TMEM132B: variants seen among roughly 807,000 people sequenced by gnomAD.
TMEM132B encodes transmembrane protein 132B.
A neutral mutation model predicts 90.8 loss-of-function variants in TMEM132B; 18 were observed. The ratio of observed to expected loss-of-function variants is 0.20; its 90% CI spans 0.14 to 0.29. The LOEUF (loss-of-function observed/expected upper bound fraction) is 0.29. Ranked by LOEUF, TMEM132B falls within the 10% of genes least tolerant of loss-of-function variation. The pLI, the probability that TMEM132B is intolerant of heterozygous loss-of-function variation, is 1.00. For synonymous variants in TMEM132B, 504 were observed against 523.3 expected (o/e 0.96, Z 0.50); for missense variants, 1,096 against 1,326.8 (o/e 0.83, Z 2.70).
intron 5 of TMEM132B, chr12:125,588,414 T>C (rs1482415425): frequency 6.6e-6 from 1 of 152,276 alleles, no homozygotes; most frequent in Admixed American, 6.5e-5. Context: ...ACTGCAGCCT[T>C]GACCTCCCAG....
intron 3 of TMEM132B, among the ~76,000 whole-genome samples, chr12:125,478,487 G>C (rs1407034182): frequency 6.6e-6 from 1 of 152,222 alleles, no homozygotes; most frequent in Non-Finnish European, 1.5e-5. Flanking sequence ...TTCAGTAGCT[G>C]ATTTGATCAA....
intron 2 of TMEM132B, among the ~76,000 whole-genome samples, chr12:125,354,084 T>G (rs1027242071): frequency 2.6e-5 from 4 of 152,156 alleles, no homozygotes; most frequent in South Asian, 2.1e-4. Context: ...CCCACCAAGA[T>G]TTTAGATTCT....
chr12:125,432,389 A>G (rs928584094), intron 3 of TMEM132B, among the ~76,000 whole-genome samples: 44 of 70,658 alleles, frequency 6.2e-4, no homozygotes, highest in Non-Finnish European at 7.3e-4. Context: ...ATATATATAT[A>G]TATATATATG....
Position 125,605,797 on chromosome 12 carries a change from C to T in TMEM132B, c.1437+21803C>T, listed in dbSNP as rs147827451. The stretch of plus-strand genomic sequence containing the variant: ...GAGAATAAGGATGTTGGTTCACCAT[C>T]CCCCAGGTTTTAGGTTTCAGATCCA... On this transcript the variant is annotated intron_variant, in intron 5 of 8. Transcript: ENST00000682704. Among the ~76,000 whole-genome samples the T allele has an allele frequency of 1.1e-4, 17 of 152,256 alleles. No individual in the cohort carries two copies. In the East Asian group the frequency reaches 2.9e-3, roughly 26 times the overall value.
At chr12:125,200,397 T>G (rs1873028073) in intron 1 of TMEM132B, among the ~76,000 whole-genome samples, 1 of 152,210 alleles carries the variant, frequency 6.6e-6, no homozygotes, top group Non-Finnish European at 1.5e-5. Flanking sequence ...AAGTTTGTTT[T>G]TATACATATA....
intron 1 of TMEM132B, among the ~76,000 whole-genome samples, chr12:125,212,187 G>C (rs576221190): frequency 7.2e-5 from 11 of 152,228 alleles, no homozygotes; most frequent in African/African-American, 2.6e-4. Flanking sequence ...TCCCAGTGCG[G>C]AATTTCTCCA....
At chr12:125,443,550 G>C (rs1566038143) in intron 3 of TMEM132B, among the ~76,000 whole-genome samples, 1 of 152,158 alleles carries the variant, frequency 6.6e-6, no homozygotes, top group Non-Finnish European at 1.5e-5. Flanking sequence ...ACGGGATTCT[G>C]TGCTTTAAGA....
intron 3 of TMEM132B, among the ~76,000 whole-genome samples, chr12:125,478,575 C>G (rs746016543): frequency 3.5e-4 from 54 of 152,128 alleles, no homozygotes; most frequent in Non-Finnish European, 6.6e-4. Context: ...AGAGTAAAAA[C>G]AAATGAACAA....
At chr12:125,321,970 T>G (rs1876437573) in intron 1 of TMEM132B, among the ~76,000 whole-genome samples, 2 of 152,188 alleles carry the variant, frequency 1.3e-5, no homozygotes, top group Non-Finnish European at 2.9e-5. Context: ...TACAATGGAA[T>G]AAAAAGGCAC....
intron 1 of TMEM132B, among the ~76,000 whole-genome samples, chr12:125,204,441 G>C (rs1458397769): frequency 8.2e-6 from 1 of 121,502 alleles, no homozygotes; most frequent in African/African-American, 2.7e-5. Context: ...TGAGGGCTCC[G>C]TGTACCAGGC....
intron 2 of TMEM132B, among the ~76,000 whole-genome samples, chr12:125,368,691 A>G (rs1334319931): frequency 6.6e-6 from 1 of 152,176 alleles, no homozygotes; most frequent in Non-Finnish European, 1.5e-5. Flanking sequence ...CTTTGTTCCT[A>G]TAGGACACAT....
In TMEM132B at chr12:125,505,166, CAAAAAAAAA is replaced by C. The variant is rs71306287; in HGVS notation, c.1107-14252_1107-14244del. Reference sequence around the variant, plus strand: ...AAAATGAGACTCACACACCAGAGGACAAAAAAAAAAAAAAAAAAAAAAAAAAAAACAGTA... The same window carrying C: ...AAAATGAGACTCACACACCAGAGGACAAAAAAAAAAAAAAAAAAAACAGTA... On this transcript the variant is annotated intron_variant, in intron 3 of 8. Coordinates refer to ENST00000682704, the MANE Select transcript of TMEM132B (RefSeq NM_001366854.1). Among the ~76,000 whole-genome samples the C allele has an allele frequency of 6.1e-3, 173 of 28,570 alleles. 1 individual carries two copies. Among genetic ancestry groups the C allele is most frequent in the African/African-American group, 0.018 (163 of 9,268 alleles). The allele number at this position is 28,570 out of a possible 152,430, so 18.7% of individuals were successfully genotyped here.
At chr12:125,530,249 A>G (rs113017463) in intron 4 of TMEM132B, among the ~76,000 whole-genome samples, 10,178 of 151,212 alleles carry the variant, frequency 0.067, 967 homozygotes, top group African/African-American at 0.21. Flanking sequence ...TTTTTTTTAA[A>G]CCATTTCCCT....
intron 1 of TMEM132B, among the ~76,000 whole-genome samples, chr12:125,310,934 C>A (rs554422809): frequency 5.3e-4 from 81 of 152,366 alleles, no homozygotes; most frequent in African/African-American, 1.8e-3. Flanking sequence ...TGGCCCATCA[C>A]TGAGTACTGG....
At chr12:125,190,510 T>G (rs1247346059) in intron 1 of TMEM132B, among the ~76,000 whole-genome samples, 11 of 45,542 alleles carry the variant, frequency 2.4e-4, no homozygotes, top group South Asian at 7.6e-4. Flanking sequence ...TGGGAAGGGG[T>G]GGTGATGGTG....
At chr12:125,398,471 C>G (rs933858263) in intron 2 of TMEM132B, among the ~76,000 whole-genome samples, 2 of 152,150 alleles carry the variant, frequency 1.3e-5, no homozygotes, top group African/African-American at 4.8e-5. Flanking sequence ...AGGGTAAACG[C>G]AGTAATTAGT....
At chr12:125,628,632 C>T (rs1470978523) in intron 5 of TMEM132B, among the ~76,000 whole-genome samples, 1 of 152,106 alleles carries the variant, frequency 6.6e-6, no homozygotes. Flanking sequence ...TCCTTTGACA[C>T]GCAGAAGCCT....
intron 3 of TMEM132B, among the ~76,000 whole-genome samples, chr12:125,481,292 A>C (rs371741314): frequency 6.6e-6 from 1 of 152,216 alleles, no homozygotes; most frequent in Non-Finnish European, 1.5e-5. Flanking sequence ...AGGGTATTCA[A>C]TTAGGAAAAG....
At chr12:125,558,501 C>T (rs1163900838) in intron 4 of TMEM132B, among the ~76,000 whole-genome samples, 2 of 152,104 alleles carry the variant, frequency 1.3e-5, no homozygotes, top group Non-Finnish European at 2.9e-5. Context: ...TAGGTGAATT[C>T]CTTAAATTTA....
Sources: allele counts gnomAD v4.1 joint callset (sites outside exome capture counted in the v4.1 genomes callset), GRCh38; gene constraint gnomAD v4.1.1; transcripts MANE v1.5; gene names NCBI Gene and HGNC (gene_info 2026-07-23, HGNC 2026-07-21).